The following ILDR1 variants were observed in gnomAD, a reference collection of about 807,000 sequenced individuals.
The protein encoded by ILDR1 is immunoglobulin like domain containing receptor 1.
Under a neutral mutation model 62.4 loss-of-function variants are expected in ILDR1, and 56 were observed. The ratio of observed to expected loss-of-function variants is 0.90; its 90% CI spans 0.72 to 1.12. The LOEUF (loss-of-function observed/expected upper bound fraction) is 1.12. ILDR1 is among the 50% of genes most tolerant of loss of function. The pLI, the probability that ILDR1 is intolerant of heterozygous loss-of-function variation, is 0.00. For synonymous variants in ILDR1, 284 were observed against 277.8 expected (o/e 1.02, Z -0.22); for missense variants, 736 against 710.6 (o/e 1.04, Z -0.41).
At chr3:122,032,621 G>A in the ILDR1 span, among the ~76,000 whole-genome samples, 2 of 152,170 alleles carry the variant, frequency 1.3e-5, no homozygotes, top group Non-Finnish European at 2.9e-5. Context: ...TTAGTGACTT[G>A]CTTCTAGTAC....
the ILDR1 span, among the ~76,000 whole-genome samples, chr3:122,049,449 T>G: frequency 6.6e-6 from 1 of 152,242 alleles, no homozygotes; most frequent in African/African-American, 2.4e-5. Flanking sequence ...GTCTAGATGT[T>G]CTAACCTTTA....
chr3:122,035,399 T>C, the ILDR1 span, among the ~76,000 whole-genome samples: 1 of 152,168 alleles, frequency 6.6e-6, no homozygotes, highest in African/African-American at 2.4e-5. Flanking sequence ...AATCACTCTA[T>C]GGTTCTCCCT....
chr3:122,038,460 C>T, the ILDR1 span, among the ~76,000 whole-genome samples: 1 of 152,164 alleles, frequency 6.6e-6, no homozygotes, highest in Non-Finnish European at 1.5e-5. Flanking sequence ...AACTGAACTC[C>T]ACGCTAAATT....
intron 1 of ILDR1, among the ~76,000 whole-genome samples, chr3:122,008,279 C>T (rs1252288847): frequency 1.3e-5 from 2 of 152,212 alleles, no homozygotes; most frequent in African/African-American, 4.8e-5. Context: ...CTTAAAGCTC[C>T]AGGTGTGCCT....
the ILDR1 span, among the ~76,000 whole-genome samples, chr3:122,058,851 G>A: frequency 2.6e-5 from 4 of 152,138 alleles, no homozygotes; most frequent in East Asian, 3.9e-4. Flanking sequence ...GAGAAATGGC[G>A]AGGGCATGAA....
intron 1 of ILDR1, among the ~76,000 whole-genome samples, chr3:122,020,639 T>C (rs12485356): frequency 0.25 from 37,851 of 152,204 alleles, 5,261 homozygotes; most frequent in Admixed American, 0.38. Context: ...AATCCCCAGC[T>C]GCTGTGGAGT....
chr3:121,994,629 T>C (rs1193129376), intron 5 of ILDR1, among the ~76,000 whole-genome samples: 4 of 152,210 alleles, frequency 2.6e-5, no homozygotes, highest in Non-Finnish European at 5.9e-5. Context: ...GGTAGATTCA[T>C]GGATACTAGC....
chr3:121,989,518 T>G (rs1038640434), intron 7 of ILDR1, among the ~76,000 whole-genome samples: 3 of 152,244 alleles, frequency 2.0e-5, no homozygotes, highest in Non-Finnish European at 2.9e-5. Flanking sequence ...CGGCCAAGTT[T>G]GGAAGAAGCC....
intron 5 of ILDR1, among the ~76,000 whole-genome samples, chr3:121,995,278 T>C (rs2071419445): frequency 6.6e-6 from 1 of 152,196 alleles, no homozygotes; most frequent in African/African-American, 2.4e-5. Flanking sequence ...GTGCAGGAAG[T>C]GCCAGCCTCA....
intron 1 of ILDR1, among the ~76,000 whole-genome samples, chr3:122,019,387 A>G (rs1358014103): frequency 6.6e-6 from 1 of 152,160 alleles, no homozygotes; most frequent in Non-Finnish European, 1.5e-5. Flanking sequence ...TATAAACTGT[A>G]TATGTGTGCA....
chr3:122,056,755 C>T, the ILDR1 span, among the ~76,000 whole-genome samples: 1 of 152,130 alleles, frequency 6.6e-6, no homozygotes, highest in African/African-American at 2.4e-5. Context: ...TTTAATTTTC[C>T]AGTAAAGATT....
the ILDR1 span, among the ~76,000 whole-genome samples, chr3:122,056,621 C>T: frequency 1.3e-5 from 2 of 152,138 alleles, no homozygotes; most frequent in East Asian, 1.9e-4. Flanking sequence ...CGTGAGCCAC[C>T]GCGCACCCGG....
the ILDR1 span, among the ~76,000 whole-genome samples, chr3:122,057,351 G>A: frequency 1.2e-4 from 18 of 152,160 alleles, no homozygotes; most frequent in Middle Eastern, 3.4e-3. Context: ...AACAATTTAC[G>A]TGTTTAAAAA....
At chr3:121,996,687 T>C (rs996462979) in intron 5 of ILDR1, among the ~76,000 whole-genome samples, 1 of 152,190 alleles carries the variant, frequency 6.6e-6, no homozygotes, top group African/African-American at 2.4e-5. Context: ...AAAATACAGC[T>C]TTCTGAGCCT....
At chr3:122,038,585 C>CA in the ILDR1 span, among the ~76,000 whole-genome samples, 1 of 151,876 alleles carries the variant, frequency 6.6e-6, no homozygotes, top group African/African-American at 2.4e-5. Context: ...TAACTTGCAA[C>CA]AAAAAACTAT....
rs757845401 is a variant in ILDR1, at chr3:121,993,153, G to A, written c.1596C>T (p.Arg532=). The A allele has an allele frequency of 6.3e-7, 1 of 1,587,646 alleles. No homozygotes were observed. Among genetic ancestry groups the A allele is most frequent in the Non-Finnish European group, 8.6e-7 (1 of 1,166,476 alleles). Reference sequence around the variant, plus strand: ...CAGCAGGATGCCCCAGGCTCACCGAGCGCCTCTCCACACTCCCTTTTTTCC... The same window carrying A: ...CAGCAGGATGCCCCAGGCTCACCGAACGCCTCTCCACACTCCCTTTTTTCC... ...NSRKKGSVER[R]SEKDSSHSGR... is the part of the protein sequence containing the mutation. The change falls in exon 7 of 8, where the codon CGC becomes CGT. Residue 532 remains arginine (R), a synonymous_variant. Transcript: ENST00000344209.
chr3:122,041,895 C>G, the ILDR1 span, among the ~76,000 whole-genome samples: 1 of 148,022 alleles, frequency 6.8e-6, no homozygotes, highest in South Asian at 2.2e-4. Context: ...ATTTGAATGC[C>G]CTTTATTTCT....
At chr3:122,047,595 G>T in the ILDR1 span, among the ~76,000 whole-genome samples, 1 of 152,194 alleles carries the variant, frequency 6.6e-6, no homozygotes, top group Non-Finnish European at 1.5e-5. Context: ...CTCCGAGCCA[G>T]GTGTGGGATA....
chr3:122,047,727 C>T, the ILDR1 span, among the ~76,000 whole-genome samples: 1 of 152,250 alleles, frequency 6.6e-6, no homozygotes, highest in Non-Finnish European at 1.5e-5. Flanking sequence ...AACTCCCTGA[C>T]CCCTTGCACT....
Sources: gnomAD v4.1 joint callset for allele counts (sites outside exome capture counted in the v4.1 genomes callset) on GRCh38, gnomAD v4.1.1 for gene constraint, MANE v1.5 for transcripts, NCBI Gene and HGNC (gene_info 2026-07-23, HGNC 2026-07-21) for gene names.